Variants in PBX1 observed in about 807,000 individuals in gnomAD.
PBX1 encodes the protein PBX homeobox 1.
Under a neutral mutation model 53.4 loss-of-function variants are expected in PBX1, and 6 were observed. The ratio of observed to expected loss-of-function variants is 0.11; its 90% CI spans 0.06 to 0.22. PBX1 has a LOEUF of 0.22. Among genes scored for constraint, PBX1 ranks in the 10% least tolerant of loss-of-function variants. The probability of loss-of-function intolerance (pLI) is 1.00; values close to 1 mark genes in which losing one functional copy is unlikely to be tolerated. For missense variants in PBX1, 251 were observed against 551.4 expected, an observed-to-expected ratio of 0.46 and a Z score of 5.46; for synonymous variants, 204 against 212.3, an observed-to-expected ratio of 0.96 and a Z score of 0.34.
At chr1:164,737,172 C>T (rs1048137980) in intron 2 of PBX1, among the ~76,000 whole-genome samples, 2 of 152,168 alleles carry the variant, frequency 1.3e-5, no homozygotes, top group African/African-American at 4.8e-5. Context: ...ACCAGAAAAG[C>T]TCCAAGTACA....
At chr1:164,833,460 A>G (rs1023901170) in intron 8 of PBX1, among the ~76,000 whole-genome samples, 3 of 152,206 alleles carry the variant, frequency 2.0e-5, no homozygotes, top group African/African-American at 4.8e-5. Context: ...CCCAGAACCT[A>G]TGGCAGTGGG....
At chr1:164,870,318 TTTCTTTCTTTC>T (rs1672342719) in intron 2 of PBX1, among the ~76,000 whole-genome samples, 1 of 102,820 alleles carries the variant, frequency 9.7e-6, no homozygotes. Flanking sequence ...TCTTTCTTTC[TTTCTTTCTTTC>T]TTTCTTTCTT....
intron 2 of PBX1, chr1:164,787,692 C>T (rs1403001844): frequency 6.6e-6 from 1 of 152,230 alleles, no homozygotes; most frequent in Non-Finnish European, 1.5e-5. Flanking sequence ...AATGCTGTGA[C>T]AGTCCCTTTA....
rs573950681 is a variant in PBX1, at chr1:164,718,370, T to C, written c.266-74124T>C. Among the ~76,000 whole-genome samples, 12 of 152,288 alleles carry C rather than the reference T, an allele frequency of 7.9e-5. No individual in the cohort carries two copies. The South Asian group carries it at 2.5e-3, about 32-fold the overall frequency. On this transcript the variant is annotated intron_variant, in intron 2 of 8. Transcript: ENST00000420696. ...ATCTTCTGCCAATTAAAGCTTCCAG[T>C]TGTATCACATTTAGGAACTTTGAGG...
At chr1:164,571,058 A>G (rs986109720) in intron 2 of PBX1, among the ~76,000 whole-genome samples, 1 of 152,152 alleles carries the variant, frequency 6.6e-6, no homozygotes, top group African/African-American at 2.4e-5. Context: ...ATAGAAGACA[A>G]CCTGACCTTT....
rs141647994 is a variant in PBX1, at chr1:164,788,965, G to T, written c.266-3529G>T. On this transcript the variant is annotated intron_variant, in intron 2 of 8. Coordinates refer to ENST00000420696, the MANE Select transcript of PBX1 (RefSeq NM_002585.4). The stretch of plus-strand genomic sequence containing the variant: ...ATTTCTTTTTAGGGAGTATTTATTT[G>T]CAGGATTCACAAAATGATGTGAAAG... Among the ~76,000 whole-genome samples the T allele has an allele frequency of 1.0e-3, 157 of 152,180 alleles. 1 individual carries two copies. The East Asian group carries it at 0.029, about 28-fold the overall frequency.
At chr1:164,846,089 C>T (rs1671557196) in intron 8 of PBX1, among the ~76,000 whole-genome samples, 1 of 151,946 alleles carries the variant, frequency 6.6e-6, no homozygotes, top group South Asian at 2.1e-4. Context: ...TAGTATAGAA[C>T]CTTGTGCAGA....
intron 2 of PBX1, among the ~76,000 whole-genome samples, chr1:164,600,468 C>T (rs1190296469): frequency 2.0e-5 from 3 of 152,014 alleles, no homozygotes; most frequent in African/African-American, 7.2e-5. Context: ...AGGCTGGTCT[C>T]GAACTCCTGA....
intron 6 of PBX1, chr1:164,814,298 T>C (rs1018087822): frequency 5.3e-5 from 8 of 152,230 alleles, no homozygotes; most frequent in African/African-American, 9.6e-5. Flanking sequence ...AAATAAATTT[T>C]AAATAAGAGG....
At chr1:164,713,554 C>T (rs1367222274) in intron 2 of PBX1, among the ~76,000 whole-genome samples, 5 of 152,154 alleles carry the variant, frequency 3.3e-5, no homozygotes, top group Non-Finnish European at 7.3e-5. Context: ...CCTCTTCTCC[C>T]CCTTCCTTCC....
intron 2 of PBX1, among the ~76,000 whole-genome samples, chr1:164,861,050 A>G (rs2102442344): frequency 6.6e-6 from 1 of 152,176 alleles, no homozygotes; most frequent in Non-Finnish European, 1.5e-5. Context: ...AAAAGAGGAA[A>G]GGGAATACAG....
At chr1:164,571,467 C>T (rs1235553663) in intron 2 of PBX1, among the ~76,000 whole-genome samples, 15 of 152,012 alleles carry the variant, frequency 9.9e-5, no homozygotes, top group Non-Finnish European at 2.2e-4. Flanking sequence ...TGACTCATTT[C>T]TTCTGTTTAG....
intron 2 of PBX1, among the ~76,000 whole-genome samples, chr1:164,765,946 T>G (rs1418415151): frequency 6.6e-6 from 1 of 152,194 alleles, no homozygotes; most frequent in African/African-American, 2.4e-5. Flanking sequence ...AAAAAATATT[T>G]ATGAACATGT....
intron 2 of PBX1, among the ~76,000 whole-genome samples, chr1:164,565,768 CTCT>C (rs1331726252): frequency 8.0e-5 from 12 of 150,456 alleles, no homozygotes; most frequent in Middle Eastern, 3.4e-3. Context: ...TTTTTTCCCC[CTCT>C]TCTTCTTGAT....
intron 2 of PBX1, among the ~76,000 whole-genome samples, chr1:164,653,261 T>G (rs930735418): frequency 6.6e-6 from 1 of 152,228 alleles, no homozygotes; most frequent in African/African-American, 2.4e-5. Context: ...TCTGTGTTAT[T>G]GCTTGCATCA....
chr1:164,811,072 A>C (rs1669585463), intron 5 of PBX1, among the ~76,000 whole-genome samples: 1 of 152,134 alleles, frequency 6.6e-6, no homozygotes, highest in Non-Finnish European at 1.5e-5. Flanking sequence ...CCCTTCCCTC[A>C]CCAGATTCAT....
At chr1:164,575,240 G>A (rs1353060550) in intron 2 of PBX1, among the ~76,000 whole-genome samples, 1 of 152,208 alleles carries the variant, frequency 6.6e-6, no homozygotes, top group Admixed American at 6.5e-5. Context: ...ACCTTGGAAT[G>A]GTGGAGTTAC....
chr1:164,678,512 G>A (rs1256334022), intron 2 of PBX1, among the ~76,000 whole-genome samples: 3 of 152,174 alleles, frequency 2.0e-5, no homozygotes, highest in African/African-American at 7.2e-5. Context: ...CCTTCTTCAC[G>A]TGACTGGCTG....
chr1:164,750,408 T>C (rs755998469), intron 2 of PBX1, among the ~76,000 whole-genome samples: 2 of 152,106 alleles, frequency 1.3e-5, no homozygotes, highest in Non-Finnish European at 2.9e-5. Flanking sequence ...TTATCTTTAC[T>C]CTCACTGACT....
Sources: gnomAD v4.1 joint callset for allele counts (sites outside exome capture counted in the v4.1 genomes callset) on GRCh38, gnomAD v4.1.1 for gene constraint, MANE v1.5 for transcripts, NCBI Gene and HGNC (gene_info 2026-07-23, HGNC 2026-07-21) for gene names.